Variants in TRRAP observed in about 807,000 individuals in gnomAD.
The protein encoded by TRRAP is transformation/transcription domain-associated protein.
A neutral mutation model predicts 438.8 loss-of-function variants in TRRAP; 41 were observed. The ratio of observed to expected loss-of-function variants is 0.09; its 90% CI spans 0.07 to 0.12. The LOEUF is 0.12. TRRAP is among the 10% of genes least tolerant of loss of function. The probability of loss-of-function intolerance (pLI) is 1.00; values close to 1 mark genes in which losing one functional copy is unlikely to be tolerated. For missense variants in TRRAP, 3,122 were observed against 5,055.1 expected (o/e 0.62, Z 11.60); for synonymous variants, 1,994 against 1,962.9 (o/e 1.02, Z -0.42).
At chr7:98,935,699 G>T (rs1408916075) in intron 28 of TRRAP, 24 bp downstream of exon 28, 2 of 1,563,238 alleles carry the variant, frequency 1.3e-6, no homozygotes, top group African/African-American at 1.3e-5. Flanking sequence ...AATCTACGGG[G>T]TATAAAAGTG....
At chr7:98,915,971 C>A in intron 19 of TRRAP, 83 bp downstream of exon 19, 1 of 1,543,542 alleles carries the variant, frequency 6.5e-7, no homozygotes. Context: ...TGGGTTTCAT[C>A]CTCTGTAACT....
chr7:99,010,126 TC>T (rs1343367179), intron 70 of TRRAP, among the ~76,000 whole-genome samples: 2 of 152,146 alleles, frequency 1.3e-5, no homozygotes, highest in Non-Finnish European at 2.9e-5. Flanking sequence ...GACCTCGTGA[TC>T]CACCCACCTC....
At chr7:98,901,911 G>C (rs567416264) in intron 11 of TRRAP, among the ~76,000 whole-genome samples, 77 of 152,260 alleles carry the variant, frequency 5.1e-4, no homozygotes, top group African/African-American at 1.3e-3. Flanking sequence ...CAATTAAGTG[G>C]TTTTTAGTTT....
chr7:98,999,175 A>C (rs1325866334), intron 67 of TRRAP: 6 of 1,569,618 alleles, frequency 3.8e-6, no homozygotes, highest in Non-Finnish European at 5.2e-6. Flanking sequence ...TCTGATCTGG[A>C]TTTCAAAGCA....
intron 12 of TRRAP, among the ~76,000 whole-genome samples, chr7:98,904,668 C>T (rs574226663): frequency 2.6e-5 from 4 of 152,110 alleles, no homozygotes; most frequent in Non-Finnish European, 4.4e-5. Flanking sequence ...ATTAGACTTT[C>T]GGGGTTCAGC....
intron 8 of TRRAP, among the ~76,000 whole-genome samples, chr7:98,898,687 A>G (rs1187558303): frequency 6.6e-6 from 1 of 152,118 alleles, no homozygotes; most frequent in Non-Finnish European, 1.5e-5. Context: ...GTCCTTATAT[A>G]TTAGGACTGT....
intron 46 of TRRAP, 102 bp downstream of exon 46, chr7:98,961,576 GT>G: frequency 7.3e-7 from 1 of 1,370,864 alleles, no homozygotes; most frequent in Non-Finnish European, 1.0e-6. Flanking sequence ...CGAGCGCTTT[GT>G]TATCACTTTC....
At position 98,927,966 on chromosome 7, in the gene TRRAP, C is replaced by G. The variant is rs553682021; in HGVS notation, c.3175+600C>G. On this transcript the variant is annotated intron_variant, in intron 23 of 72. Transcript: ENST00000456197. ...AAAAGACAATAAAAATGGCCAGGCA[C>G]GGTGGCTCACGCCTATAATCCCAGC... is the stretch of plus-strand genomic sequence containing the variant. Among the ~76,000 whole-genome samples, 3 of 152,272 alleles carry G rather than the reference C, an allele frequency of 2.0e-5. No homozygotes were observed. The South Asian group carries it at 6.2e-4, about 32-fold the overall frequency.
rs1795409514 is a variant in TRRAP at position 98,881,141 on chromosome 7, C to T, written c.-10C>T. On this transcript the variant is annotated 5_prime_UTR_variant, in exon 2 of 73. Coordinates refer to ENST00000456197, the MANE Select transcript of TRRAP (RefSeq NM_001375524.1). ...TTTTCTCTTGAGAAGCAAACCAGCCCAAAAGAAAAATGGCGTTTGTTGCAA... is the reference window on the plus strand; with the variant it reads ...TTTTCTCTTGAGAAGCAAACCAGCCTAAAAGAAAAATGGCGTTTGTTGCAA... 12 of 1,600,036 alleles carry T rather than the reference C, an allele frequency of 7.5e-6. No individual in the cohort carries two copies. The highest frequency in any genetic ancestry group is 9.4e-6 in the Non-Finnish European group (11 of 1,172,696).
At chr7:98,996,467 A>G (rs1035968637) in intron 67 of TRRAP, among the ~76,000 whole-genome samples, 4 of 152,234 alleles carry the variant, frequency 2.6e-5, no homozygotes, top group Admixed American at 6.5e-5. Context: ...GTGTCAGCAC[A>G]TGAGTGATTG....
At chr7:98,894,705 C>T (rs773117629) in intron 6 of TRRAP, among the ~76,000 whole-genome samples, 36 of 151,100 alleles carry the variant, frequency 2.4e-4, no homozygotes, top group African/African-American at 4.9e-4. Context: ...CTCTGCCTCC[C>T]GGATTCAAGC....
chr7:98,971,288 C>T (rs554130179), intron 52 of TRRAP, among the ~76,000 whole-genome samples: 2 of 152,282 alleles, frequency 1.3e-5, no homozygotes, highest in African/African-American at 4.8e-5. Flanking sequence ...ACCAAATTGT[C>T]GATACCTGAC....
rs1795412033 is a variant in TRRAP, at chr7:98,881,197, C to T, written c.47C>T (p.Thr16Ile). Residue 16 changes from threonine to isoleucine, a missense_variant, in exon 2 of 73, where the codon ACT (threonine) becomes ATT (isoleucine). Physicochemically the swap from Thr to Ile is moderately conservative, Grantham distance 89. Coordinates refer to ENST00000456197, the MANE Select transcript of TRRAP (RefSeq NM_001375524.1). Reference sequence around the variant, plus strand: ...GGGGCCACGGTGGTTGACCAGACCACTTTGATGAAAAAGTACCTTCAGTTT... The same window carrying T: ...GGGGCCACGGTGGTTGACCAGACCATTTTGATGAAAAAGTACCTTCAGTTT... ...TQGATVVDQTTLMKKYLQFVA... is the reference protein window; with the variant it reads ...TQGATVVDQTILMKKYLQFVA... 1 of 1,610,516 alleles carries T rather than the reference C, an allele frequency of 6.2e-7. No individual in the cohort carries two copies. Among genetic ancestry groups the T allele is most frequent in the Non-Finnish European group, 8.5e-7 (1 of 1,178,284 alleles).
intron 30 of TRRAP, 53 bp from the exon 31 acceptor site, chr7:98,942,896 C>T (rs1790864624): frequency 6.3e-7 from 1 of 1,589,238 alleles, no homozygotes; most frequent in Non-Finnish European, 8.6e-7. Flanking sequence ...TAGTTTCCAC[C>T]AGTGGAATGC....
intron 35 of TRRAP, among the ~76,000 whole-genome samples, chr7:98,949,204 C>G (rs998509254): frequency 6.6e-6 from 1 of 151,886 alleles, no homozygotes; most frequent in Admixed American, 6.6e-5. Context: ...TGCACTTCAG[C>G]CTGGGCAATA....
In TRRAP at chr7:98,930,010, A is replaced by G. The variant is rs782546832; in HGVS notation, c.3197A>G (p.Tyr1066Cys). The change falls in exon 24 of 73, where the codon TAC (tyrosine) becomes TGC (cysteine). Residue 1066 changes from tyrosine (Y) to cysteine (C), a missense_variant. Physicochemically the swap from Tyr to Cys is radical, Grantham distance 194 (BLOSUM62 -2). Coordinates refer to ENST00000456197, the MANE Select transcript of TRRAP (RefSeq NM_001375524.1). ...TTAGGCCCTTTCTTGCTGCCTTGCTACCAGGTGGGCAGCCAGCCCAGCACA... is the reference window on the plus strand; with the variant it reads ...TTAGGCCCTTTCTTGCTGCCTTGCTGCCAGGTGGGCAGCCAGCCCAGCACA... Reference protein sequence around the residue: ...QQCGPFLLPCYQVGSQPSTAM... With the variant: ...QQCGPFLLPCCQVGSQPSTAM... The G allele has an allele frequency of 6.8e-6, 11 of 1,614,096 alleles. No individual in the cohort carries two copies. The South Asian group carries it at 9.9e-5, about 14-fold the overall frequency.
At chr7:99,008,321 G>A in intron 69 of TRRAP, 56 bp from the exon 70 acceptor site, 1 of 1,562,180 alleles carries the variant, frequency 6.4e-7, no homozygotes. Flanking sequence ...CGGTGGAGCT[G>A]AGCACTGGCC....
chr7:98,930,002 G>A lies in TRRAP; in HGVS notation c.3189G>A (p.Leu1063=), dbSNP rs782646802. Residue 1063 remains leucine, a synonymous_variant, in exon 24 of 73, where the codon CTG becomes CTA. Transcript: ENST00000456197. ...CTCTCCTTTTAGGCCCTTTCTTGCT[G>A]CCTTGCTACCAGGTGGGCAGCCAGC... is the stretch of plus-strand genomic sequence containing the variant. ...AVAQQCGPFL[L]PCYQVGSQPS... 1 of 1,614,146 alleles carries A rather than the reference G, an allele frequency of 6.2e-7. No individual in the cohort carries two copies. The highest frequency in any genetic ancestry group is 2.2e-5 in the East Asian group (1 of 44,888).
Position 99,012,359 on chromosome 7 carries a change from T to TGGCCGCCAC in TRRAP, c.*9_*17dup. On this transcript the variant is annotated 3_prime_UTR_variant, in exon 73 of 73. Transcript: ENST00000456197. The surrounding 1 kb of genome is among the most constrained non-coding windows in gnomAD (Gnocchi z 5.9). ...CGCCTGGCACCCCTGGCTGTGACTG[T>TGGCCGCCAC]GGCCGCCACGGCCACCCGGAATGTG... The TGGCCGCCAC allele has an allele frequency of 6.3e-7, 1 of 1,588,320 alleles. No homozygotes were observed. The highest frequency in any genetic ancestry group is 2.2e-4 in the Middle Eastern group (1 of 4,514).
Sources: allele counts gnomAD v4.1 joint callset (sites outside exome capture counted in the v4.1 genomes callset), GRCh38; gene constraint gnomAD v4.1.1; non-coding constraint Gnocchi (gnomAD v3.1); transcripts MANE v1.5; gene names NCBI Gene and HGNC (gene_info 2026-07-23, HGNC 2026-07-21).